PRELID2: variants seen among roughly 807,000 people sequenced by gnomAD.
PRELID2 encodes the protein PRELI domain-containing protein 2.
PRELID2 carries 25 observed loss-of-function variants against 28.4 expected under a neutral mutation model. That is an observed-to-expected ratio of 0.88 (90% confidence interval 0.64 to 1.23). The LOEUF is 1.23. Ranked by LOEUF, PRELID2 falls within the 50% of genes most tolerant of loss-of-function variation. The pLI, the probability that PRELID2 is intolerant of heterozygous loss-of-function variation, is 0.00. For missense variants in PRELID2, 201 were observed against 214.4 expected, an observed-to-expected ratio of 0.94 and a Z score of 0.39; for synonymous variants, 76 against 71.6, an observed-to-expected ratio of 1.06 and a Z score of -0.31.
chr5:145,810,309 C>A (rs1226214077), intron 4 of PRELID2, among the ~76,000 whole-genome samples: 2 of 152,200 alleles, frequency 1.3e-5, no homozygotes, highest in Non-Finnish European at 2.9e-5. Context: ...TCATTCTACA[C>A]ATTCAAGCAG....
intron 1 of PRELID2, among the ~76,000 whole-genome samples, chr5:145,683,068 T>C (rs1277939688): frequency 2.0e-5 from 3 of 152,154 alleles, no homozygotes; most frequent in Non-Finnish European, 4.4e-5. Flanking sequence ...TTGTTTATAT[T>C]GGGTGAAAGC....
At chr5:145,375,361 A>T in the PRELID2 span, among the ~76,000 whole-genome samples, 1 of 152,124 alleles carries the variant, frequency 6.6e-6, no homozygotes. Flanking sequence ...TTCTTCAGGA[A>T]TCTCTGACCT....
At chr5:145,449,677 C>A in the PRELID2 span, among the ~76,000 whole-genome samples, 1 of 152,110 alleles carries the variant, frequency 6.6e-6, no homozygotes, top group African/African-American at 2.4e-5. Flanking sequence ...CAGTATTTCC[C>A]TGTCTCCTGT....
chr5:145,443,810 A>G, the PRELID2 span, among the ~76,000 whole-genome samples: 1 of 152,076 alleles, frequency 6.6e-6, no homozygotes, highest in South Asian at 2.1e-4. Flanking sequence ...GTAAGACAAT[A>G]GCAGAGCCAG....
rs139775848 is a variant in PRELID2 at position 145,674,661 on chromosome 5, T to C, written n.70+90270A>G. On this transcript the variant is annotated intron_variant and non_coding_transcript_variant, in intron 1 of 2. Transcript: ENST00000510259. Reference sequence around the variant, plus strand: ...TGTGTCAGATTTAAATGTAAGACTATGGCCAGGCACAGTGGCTCATGCCTG... The same window carrying C: ...TGTGTCAGATTTAAATGTAAGACTACGGCCAGGCACAGTGGCTCATGCCTG... Among the ~76,000 whole-genome samples the C allele has an allele frequency of 5.2e-4, 79 of 152,240 alleles. No individual in the cohort carries two copies. In the East Asian group the frequency reaches 0.014, roughly 26 times the overall value.
chr5:145,537,114 C>A (rs1200030276), intron 1 of PRELID2, among the ~76,000 whole-genome samples: 3 of 151,702 alleles, frequency 2.0e-5, no homozygotes, highest in African/African-American at 7.3e-5. Context: ...TTTTACTTAC[C>A]AAAAGGGCAT....
At chr5:145,392,627 T>G in the PRELID2 span, among the ~76,000 whole-genome samples, 1 of 151,778 alleles carries the variant, frequency 6.6e-6, no homozygotes, top group Non-Finnish European at 1.5e-5. Context: ...TAATTGTAAC[T>G]AGCTTTAATA....
chr5:145,583,289 C>A (rs1450289640), intron 1 of PRELID2, among the ~76,000 whole-genome samples: 1 of 151,908 alleles, frequency 6.6e-6, no homozygotes, highest in African/African-American at 2.4e-5. Flanking sequence ...AAGGAACACA[C>A]CTCAAAATAA....
rs372516210 is a variant in PRELID2, at chr5:145,809,036, C to CTTTT, written c.368+8854_368+8857dup. On this transcript the variant is annotated intron_variant, in intron 4 of 6. Transcript: ENST00000683046. ...TTCACTAGGCTGAGCTTTTTTTTTG[C>CTTTT]TTTTTTTTTTTTTTTTTTTTGAGAC... 3.9e-4 allele frequency among the ~76,000 whole-genome samples: 41 copies of CTTTT among 105,802 alleles called. 1 individual carries two copies. The highest frequency in any genetic ancestry group is 4.6e-4 in the African/African-American group (13 of 28,106). The allele number at this position is 105,802 out of a possible 152,430, so 69.4% of individuals were successfully genotyped here.
chr5:145,531,554 C>T (rs1011920290), intron 1 of PRELID2, among the ~76,000 whole-genome samples: 17 of 152,168 alleles, frequency 1.1e-4, no homozygotes, highest in Admixed American at 7.9e-4. Context: ...CAGGACTCCT[C>T]GCTCAGCTTA....
intron 1 of PRELID2, among the ~76,000 whole-genome samples, chr5:145,522,286 C>T (rs1228159025): frequency 6.6e-6 from 1 of 152,048 alleles, no homozygotes; most frequent in Non-Finnish European, 1.5e-5. Flanking sequence ...CATCAAACAG[C>T]AGCTGTATTA....
intron 5 of PRELID2, among the ~76,000 whole-genome samples, chr5:145,789,730 A>G (rs1295566737): frequency 1.3e-5 from 2 of 152,200 alleles, no homozygotes; most frequent in Non-Finnish European, 2.9e-5. Flanking sequence ...GAAAATATCT[A>G]CAAATCACAC....
chr5:145,410,346 A>G, the PRELID2 span, among the ~76,000 whole-genome samples: 1 of 152,258 alleles, frequency 6.6e-6, no homozygotes, highest in Non-Finnish European at 1.5e-5. Context: ...CTGCACAGCA[A>G]AAGAAATGAT....
At chr5:145,229,455 C>G in the PRELID2 span, 1 of 871,180 alleles carries the variant, frequency 1.1e-6, no homozygotes, top group East Asian at 2.5e-5. Flanking sequence ...ATCCAGGACC[C>G]AGCCAAAGCC....
intron 1 of PRELID2, among the ~76,000 whole-genome samples, chr5:145,670,272 G>C: frequency 6.6e-6 from 1 of 152,056 alleles, no homozygotes; most frequent in Non-Finnish European, 1.5e-5. Flanking sequence ...AGCAAGGGGA[G>C]GAGAGTGCCA....
the PRELID2 span, among the ~76,000 whole-genome samples, chr5:145,268,189 G>C: frequency 6.6e-6 from 1 of 152,252 alleles, no homozygotes; most frequent in African/African-American, 2.4e-5. Flanking sequence ...TGTACTTGTA[G>C]AGTATTACTC....
At chr5:145,348,422 C>A in the PRELID2 span, among the ~76,000 whole-genome samples, 9 of 152,056 alleles carry the variant, frequency 5.9e-5, no homozygotes, top group African/African-American at 2.2e-4. Flanking sequence ...ATAACCAAAT[C>A]TGTCCATTTA....
At chr5:145,633,788 G>A (rs1438695572) in intron 1 of PRELID2, among the ~76,000 whole-genome samples, 2 of 152,144 alleles carry the variant, frequency 1.3e-5, no homozygotes, top group Non-Finnish European at 2.9e-5. Context: ...GGTTTTCCCT[G>A]ATTCTCACCT....
chr5:145,448,913 C>T, the PRELID2 span, among the ~76,000 whole-genome samples: 1 of 152,102 alleles, frequency 6.6e-6, no homozygotes, highest in Non-Finnish European at 1.5e-5. Context: ...TTTGAAAGGG[C>T]TCTCAGTTGC....
Sources: gnomAD v4.1 joint callset for allele counts (sites outside exome capture counted in the v4.1 genomes callset) on GRCh38, gnomAD v4.1.1 for gene constraint, MANE v1.5 for transcripts, NCBI Gene and HGNC (gene_info 2026-07-23, HGNC 2026-07-21) for gene names.